The following ARAP2 variants were observed in gnomAD, a reference collection of about 807,000 sequenced individuals.
The protein encoded by ARAP2 is ArfGAP with RhoGAP domain, ankyrin repeat and PH domain 2.
ARAP2 carries 148 observed loss-of-function variants against 194.5 expected under a neutral mutation model. The observed-to-expected ratio is 0.76, with a 90% CI of 0.67 to 0.87. ARAP2 has a LOEUF of 0.87. Among genes scored for constraint, ARAP2 ranks in the 40% least tolerant of loss-of-function variants. The probability of loss-of-function intolerance (pLI) is 0.00; values close to 1 mark genes in which losing one functional copy is unlikely to be tolerated. For synonymous variants in ARAP2, 695 were observed against 683.5 expected, an observed-to-expected ratio of 1.02 and a Z score of -0.26; for missense variants, 2,128 against 1,989.7, an observed-to-expected ratio of 1.07 and a Z score of -1.32.
intron 8 of ARAP2, 84 bp from the exon 9 acceptor site, chr4:36,178,089 T>C: frequency 8.3e-7 from 1 of 1,200,358 alleles, no homozygotes; most frequent in Non-Finnish European, 1.1e-6. Flanking sequence ...TCCATGCCCT[T>C]TGCAACACAT....
At chr4:36,115,714 C>T (rs544038311) in intron 25 of ARAP2, among the ~76,000 whole-genome samples, 89 of 152,112 alleles carry the variant, frequency 5.9e-4, no homozygotes, top group Non-Finnish European at 9.6e-4. Flanking sequence ...ACATCACCTG[C>T]TTCATCTACC....
chr4:36,243,106 A>G (rs1345570343), intron 1 of ARAP2, among the ~76,000 whole-genome samples: 1 of 151,678 alleles, frequency 6.6e-6, no homozygotes, highest in Non-Finnish European at 1.5e-5. Flanking sequence ...AAAAAAAAAG[A>G]GTTTAAAGGT....
downstream of ARAP2, among the ~76,000 whole-genome samples, chr4:36,061,701 T>C (rs113477426): frequency 1.3e-3 from 194 of 152,346 alleles, 1 homozygote; most frequent in African/African-American, 4.4e-3. Context: ...TGTTGGATCA[T>C]ATGGTAGTTC....
chr4:36,229,292 C>G lies in ARAP2; in HGVS notation c.195G>C (p.Gln65His). ...GHRRRILKQLQIILSKMQDIP... is the reference protein window; with the variant it reads ...GHRRRILKQLHIILSKMQDIP... ...TATCTTGCATTTTTGACAAGATTAT[C>G]TGTAACTGTTTAAGTATCCTCCTAC... Residue 65 changes from glutamine (Q) to histidine (H), a missense_variant, in exon 2 of 33, where the codon CAG (glutamine) becomes CAC (histidine). Physicochemically the swap from Gln to His is conservative, Grantham distance 24. Coordinates refer to ENST00000303965, the MANE Select transcript of ARAP2 (RefSeq NM_015230.4). 1.9e-6 allele frequency: 3 copies of G among 1,614,004 alleles called. No homozygotes were observed. The highest frequency in any genetic ancestry group is 2.5e-6 in the Non-Finnish European group (3 of 1,179,950).
At chr4:36,147,220 C>G in intron 19 of ARAP2, 76 bp downstream of exon 19, 1 of 1,325,180 alleles carries the variant, frequency 7.5e-7, no homozygotes, top group Non-Finnish European at 1.1e-6. Flanking sequence ...TTTTCTCCCT[C>G]AAGATAATAA....
At chr4:36,156,303 AG>A (rs1732285276) in intron 15 of ARAP2, among the ~76,000 whole-genome samples, 1 of 127,288 alleles carries the variant, frequency 7.9e-6, no homozygotes, top group Non-Finnish European at 1.7e-5. Context: ...AAAGAAGGAA[AG>A]AAGGAAGGAA....
chr4:36,194,496 CTCTG>C (rs1483731185), intron 6 of ARAP2, among the ~76,000 whole-genome samples: 1 of 152,126 alleles, frequency 6.6e-6, no homozygotes. Context: ...CAAATATCAA[CTCTG>C]TCTACCTTGT....
chr4:36,152,770 A>G (rs1731304379), intron 15 of ARAP2, among the ~76,000 whole-genome samples: 2 of 152,242 alleles, frequency 1.3e-5, no homozygotes, highest in South Asian at 2.1e-4. Context: ...CAGAGCTACA[A>G]TCCTTCCATA....
downstream of ARAP2, among the ~76,000 whole-genome samples, chr4:36,062,807 T>C (rs893550974): frequency 3.9e-5 from 6 of 152,182 alleles, no homozygotes; most frequent in African/African-American, 1.4e-4. Context: ...CAACATATAG[T>C]GGCTGTGGCA....
intron 26 of ARAP2, among the ~76,000 whole-genome samples, chr4:36,109,596 CA>C (rs1553904706): frequency 6.6e-6 from 1 of 151,836 alleles, no homozygotes; most frequent in Non-Finnish European, 1.5e-5. Flanking sequence ...CACAATTTTT[CA>C]ATGTTATAAT....
In ARAP2 at chr4:36,228,538, T is replaced by C. The variant is rs1324671332; in HGVS notation, c.905+44A>G. On this transcript the variant is annotated intron_variant, in intron 2 of 32. Coordinates refer to ENST00000303965, the MANE Select transcript of ARAP2 (RefSeq NM_015230.4). ...ATAACTGTTAAAAAAAATCACTGAA[T>C]TTCCTCAAATTGAATATTTACAGCT... The C allele has an allele frequency of 4.0e-6, 6 of 1,500,286 alleles. No individual in the cohort carries two copies. The East Asian group carries it at 6.8e-5, about 17-fold the overall frequency. 92.9% of individuals were successfully genotyped at this position (1,500,286 alleles called of 1,614,324 possible).
At chr4:36,203,760 T>C (rs1020052022) in intron 6 of ARAP2, among the ~76,000 whole-genome samples, 1 of 152,148 alleles carries the variant, frequency 6.6e-6, no homozygotes, top group Non-Finnish European at 1.5e-5. Context: ...CATCAGAGCC[T>C]ACGGTGCTTC....
intron 26 of ARAP2, among the ~76,000 whole-genome samples, chr4:36,109,577 A>G (rs1719309319): frequency 6.6e-6 from 1 of 151,964 alleles, no homozygotes; most frequent in African/African-American, 2.4e-5. Context: ...GGAAAAGATC[A>G]TAACTGCCCA....
Position 36,229,621 on chromosome 4 carries a change from C to T in ARAP2, c.-135G>A. 1.5e-6 allele frequency: 1 copy of T among 645,340 alleles called. No homozygotes were observed. Among genetic ancestry groups the T allele is most frequent in the Non-Finnish European group, 2.5e-6 (1 of 392,944 alleles). The allele number at this position is 645,340 out of a possible 1,614,324, so 40.0% of individuals were successfully genotyped here. On this transcript the variant is annotated 5_prime_UTR_variant, in exon 2 of 33. It adds an upstream start codon to the 5' untranslated region. Coordinates refer to ENST00000303965, the MANE Select transcript of ARAP2 (RefSeq NM_015230.4). ...GTTTCTTAAAATGTTATTTTCTTCA[C>T]AGTGACTGCTTTACCTGCTTAAGCC...
At chr4:36,243,383 CAA>C (rs71201008) in intron 1 of ARAP2, among the ~76,000 whole-genome samples, 3,069 of 84,674 alleles carry the variant, frequency 0.036, 33 homozygotes, top group African/African-American at 0.15. Flanking sequence ...GACAAGCTTG[CAA>C]AAAAAAAAAA....
intron 6 of ARAP2, among the ~76,000 whole-genome samples, chr4:36,203,289 A>C (rs1278148913): frequency 6.6e-6 from 1 of 152,106 alleles, no homozygotes; most frequent in Non-Finnish European, 1.5e-5. Context: ...TGAGCCACCC[A>C]AAAACTGGTT....
chr4:36,104,795 T>G (rs1304669640), intron 27 of ARAP2, among the ~76,000 whole-genome samples: 1 of 151,966 alleles, frequency 6.6e-6, no homozygotes, highest in Admixed American at 6.6e-5. Flanking sequence ...CTTTAGACAT[T>G]TATTTTATAG....
rs1326882777 is a variant in ARAP2, at chr4:36,212,467, T to C, written c.1062A>G (p.Glu354=). The C allele has an allele frequency of 2.5e-6, 4 of 1,612,056 alleles. No homozygotes were observed. The Admixed American group carries it at 6.7e-5, about 27-fold the overall frequency. The change falls in exon 5 of 33, where the codon GAA becomes GAG. Residue 354 remains glutamate, a synonymous_variant. Transcript: ENST00000303965. Reference sequence around the variant, plus strand: ...TGAGTGCTTCTCCCTGGGTCAAAAATTCATTCTTTATAGATCGCTTCTATT... The same window carrying C: ...TGAGTGCTTCTCCCTGGGTCAAAAACTCATTCTTTATAGATCGCTTCTATT... ...ENSKKRSIKN[E]FLTQGEALKG... is the part of the protein sequence containing the mutation.
chr4:36,160,606 G>T lies in ARAP2; in HGVS notation c.2295C>A (p.Asp765Glu), dbSNP rs956702282. Reference sequence around the variant, plus strand: ...CCTTTTGAAGATTACCAGCCCAAAAGTCATTTGCTCTTTTGTTTCCAATGA... The same window carrying T: ...CCTTTTGAAGATTACCAGCCCAAAATTCATTTGCTCTTTTGTTTCCAATGA... ...FIVIGNKRAN[D>E]FWAGNLQKDE... is the part of the protein sequence containing the mutation. Residue 765 changes from aspartate (D) to glutamate (E), a missense_variant, in exon 13 of 33, where the codon GAC (aspartate) becomes GAA (glutamate). Coordinates refer to ENST00000303965, the MANE Select transcript of ARAP2 (RefSeq NM_015230.4). The T allele has an allele frequency of 6.7e-7, 1 of 1,490,460 alleles. No homozygotes were observed. Among genetic ancestry groups the T allele is most frequent in the South Asian group, 1.5e-5 (1 of 68,340 alleles). 92.3% of individuals were successfully genotyped at this position (1,490,460 alleles called of 1,614,324 possible).
Sources: gnomAD v4.1 joint callset for allele counts (sites outside exome capture counted in the v4.1 genomes callset) on GRCh38, gnomAD v4.1.1 for gene constraint, MANE v1.5 for transcripts, NCBI Gene and HGNC (gene_info 2026-07-23, HGNC 2026-07-21) for gene names.